Variants in CEP128 observed in about 807,000 individuals in gnomAD.
CEP128 encodes the protein centrosomal protein 128.
A neutral mutation model predicts 156.7 loss-of-function variants in CEP128; 132 were observed. The observed-to-expected ratio is 0.84, with a 90% CI of 0.73 to 0.97. The LOEUF is 0.97. CEP128 is among the 50% of genes least tolerant of loss of function. CEP128 has a pLI of 0.00. For missense variants in CEP128, 1,252 were observed against 1,281.9 expected (o/e 0.98, Z 0.36); for synonymous variants, 469 against 448.9 (o/e 1.04, Z -0.57).
intron 22 of CEP128, among the ~76,000 whole-genome samples, chr14:80,529,153 T>C (rs1268352159): frequency 6.6e-6 from 1 of 152,222 alleles, no homozygotes; most frequent in Non-Finnish European, 1.5e-5. Flanking sequence ...CACCCATCTA[T>C]AGAGTATCTC....
intron 19 of CEP128, among the ~76,000 whole-genome samples, chr14:80,706,158 G>T (rs1897235012): frequency 6.6e-6 from 1 of 151,352 alleles, no homozygotes; most frequent in Non-Finnish European, 1.5e-5. Flanking sequence ...CAACCCTTTG[G>T]TTACTATAAG....
intron 2 of CEP128, among the ~76,000 whole-genome samples, chr14:80,950,233 C>G (rs991229373): frequency 5.1e-4 from 78 of 152,152 alleles, no homozygotes; most frequent in African/African-American, 1.9e-3. Context: ...CATCCACCCA[C>G]AGAACTCTCA....
chr14:80,925,340 G>T (rs538752138), intron 2 of CEP128, among the ~76,000 whole-genome samples: 34 of 152,024 alleles, frequency 2.2e-4, no homozygotes, highest in Non-Finnish European at 4.1e-4. Flanking sequence ...CAATGAGATT[G>T]AGAAGAAACA....
At chr14:80,668,147 G>A (rs1328266349) in intron 19 of CEP128, among the ~76,000 whole-genome samples, 1 of 152,156 alleles carries the variant, frequency 6.6e-6, no homozygotes, top group Non-Finnish European at 1.5e-5. Context: ...ATGTTTAAAT[G>A]AGTCTGATTC....
chr14:80,918,550 C>T (rs181105368), intron 2 of CEP128, among the ~76,000 whole-genome samples: 1 of 152,288 alleles, frequency 6.6e-6, no homozygotes, highest in East Asian at 1.9e-4. Context: ...CAACTCCATA[C>T]AGTAATTATA....
At chr14:80,728,873 T>A (rs553350089) in intron 19 of CEP128, among the ~76,000 whole-genome samples, 3 of 152,132 alleles carry the variant, frequency 2.0e-5, no homozygotes, top group Non-Finnish European at 2.9e-5. Context: ...ACATATTAAA[T>A]AGCTATATTT....
chr14:80,761,297 T>G, intron 17 of CEP128, 140 bp downstream of exon 17: 1 of 588,598 alleles, frequency 1.7e-6, no homozygotes, highest in Non-Finnish European at 2.8e-6. Context: ...CAGCGCCTTA[T>G]TCTAAAAAAT....
intron 18 of CEP128, among the ~76,000 whole-genome samples, chr14:80,747,340 C>T (rs1363418897): frequency 2.0e-5 from 3 of 152,100 alleles, no homozygotes; most frequent in South Asian, 2.1e-4. Flanking sequence ...TCCAAATTTC[C>T]GTCAAATGAT....
intron 23 of CEP128, among the ~76,000 whole-genome samples, chr14:80,509,622 G>A (rs1298324320): frequency 6.6e-6 from 1 of 152,014 alleles, no homozygotes; most frequent in Non-Finnish European, 1.5e-5. Context: ...TTTCTTTAAT[G>A]TGCAGAATCT....
chr14:80,694,272 G>A (rs1896813632), intron 19 of CEP128, among the ~76,000 whole-genome samples: 1 of 152,170 alleles, frequency 6.6e-6, no homozygotes, highest in Non-Finnish European at 1.5e-5. Flanking sequence ...ATGCTGGAGA[G>A]GATGTGGAGA....
rs550849180 is a variant in CEP128 at position 80,628,960 on chromosome 14, T to C, written c.2807-48537A>G. ...CGTTTTAGATGTTACAAATGAATTTTCTTGTGCCACAGTTAGACTACATTT... is the reference window on the plus strand; with the variant it reads ...CGTTTTAGATGTTACAAATGAATTTCCTTGTGCCACAGTTAGACTACATTT... On this transcript the variant is annotated intron_variant, in intron 19 of 24. Coordinates refer to ENST00000555265, the MANE Select transcript of CEP128 (RefSeq NM_152446.5). 3.3e-5 allele frequency among the ~76,000 whole-genome samples: 5 copies of C among 152,234 alleles called. No individual in the cohort carries two copies. In the South Asian group the frequency reaches 8.3e-4, roughly 25 times the overall value.
chr14:80,782,731 T>G (rs1305825588), intron 15 of CEP128, among the ~76,000 whole-genome samples: 2 of 152,184 alleles, frequency 1.3e-5, no homozygotes, highest in Admixed American at 6.5e-5. Context: ...CATCTCCTCA[T>G]GTACTTTCTC....
chr14:80,877,983 C>A (rs1888363091), intron 8 of CEP128, among the ~76,000 whole-genome samples: 1 of 151,982 alleles, frequency 6.6e-6, no homozygotes, highest in South Asian at 2.1e-4. Context: ...CTCCTACATA[C>A]CAGAGAAGTG....
intron 13 of CEP128, among the ~76,000 whole-genome samples, chr14:80,813,034 T>G (rs117168587): frequency 0.047 from 7,138 of 152,288 alleles, 187 homozygotes; most frequent in Middle Eastern, 0.061. Flanking sequence ...GAAGTGTCTT[T>G]TCATGTCCTT....
chr14:80,561,560 G>A (rs902885200), intron 20 of CEP128, among the ~76,000 whole-genome samples: 1 of 152,130 alleles, frequency 6.6e-6, no homozygotes, highest in Admixed American at 6.5e-5. Context: ...AACCATCTTG[G>A]AAGACTGAAA....
chr14:80,784,956 T>C lies in CEP128; in HGVS notation c.2150A>G (p.Glu717Gly). The C allele has an allele frequency of 6.2e-7, 1 of 1,614,112 alleles. No individual in the cohort carries two copies. Among genetic ancestry groups the C allele is most frequent in the Non-Finnish European group, 8.5e-7 (1 of 1,179,972 alleles). ...VKTKHEQNIQELMKHFKKEKS... is the reference protein window; with the variant it reads ...VKTKHEQNIQGLMKHFKKEKS... ...TTCTTTCTTAAAGTGCTTCATAAGCTCCTGGATATTCTGTTCGTGTTTTGT... is the reference window on the plus strand; with the variant it reads ...TTCTTTCTTAAAGTGCTTCATAAGCCCCTGGATATTCTGTTCGTGTTTTGT... Residue 717 changes from glutamate (E) to glycine (G), a missense_variant, in exon 15 of 25, where the codon GAG becomes GGG. Coordinates refer to ENST00000555265, the MANE Select transcript of CEP128 (RefSeq NM_152446.5).
chr14:80,502,592 C>A (rs1022226908), intron 24 of CEP128, among the ~76,000 whole-genome samples: 1 of 152,034 alleles, frequency 6.6e-6, no homozygotes, highest in African/African-American at 2.4e-5. Flanking sequence ...CTCTTTATGG[C>A]AATCATATTT....
At chr14:80,709,130 T>A (rs1049725661) in intron 19 of CEP128, among the ~76,000 whole-genome samples, 1 of 151,102 alleles carries the variant, frequency 6.6e-6, no homozygotes, top group African/African-American at 2.4e-5. Context: ...TTATTACTAT[T>A]ATTTTTAGGG....
intron 21 of CEP128, among the ~76,000 whole-genome samples, chr14:80,547,147 T>C (rs925234142): frequency 1.1e-4 from 17 of 152,168 alleles, no homozygotes; most frequent in Non-Finnish European, 1.6e-4. Flanking sequence ...TAATGCAATC[T>C]AGGGGCAGGC....
Sources: gnomAD v4.1 joint callset for allele counts (sites outside exome capture counted in the v4.1 genomes callset) on GRCh38, gnomAD v4.1.1 for gene constraint, MANE v1.5 for transcripts, NCBI Gene and HGNC (gene_info 2026-07-23, HGNC 2026-07-21) for gene names.